The following NRL variants were observed in gnomAD, a reference collection of about 807,000 sequenced individuals.
The protein encoded by NRL is neural retina leucine zipper.
A neutral mutation model predicts 12.5 loss-of-function variants in NRL; 16 were observed. That is an observed-to-expected ratio of 1.28 (90% CI 0.87 to 1.95). The LOEUF is 1.95. NRL is among the 30% of genes most tolerant of loss of function. The probability of loss-of-function intolerance (pLI) is 0.00; values close to 1 mark genes in which losing one functional copy is unlikely to be tolerated. For synonymous variants in NRL, 142 were observed against 150.9 expected, an observed-to-expected ratio of 0.94 and a Z score of 0.43; for missense variants, 314 against 325.8, an observed-to-expected ratio of 0.96 and a Z score of 0.28.
chr14:24,113,443 A>T (rs2037458760), intron 1 of NRL, among the ~76,000 whole-genome samples: 1 of 152,186 alleles, frequency 6.6e-6, no homozygotes, highest in Admixed American at 6.5e-5. Context: ...ATAAATAAAG[A>T]TCCCGATTTT....
chr14:24,085,531 AT>A lies in NRL; in HGVS notation c.-27-2657del, dbSNP rs1386767168. On this transcript the variant is annotated intron_variant, in intron 1 of 2. Transcript: ENST00000561028. This position sits in a 1 kb window ranked among gnomAD's most constrained non-coding sequence, Gnocchi z 4.1. Reference sequence around the variant, plus strand: ...AGGAGTGGGAACAGGGATACTAGGAATTATCCAAGGAGATGTTTAAACCTGT... The same window carrying A: ...AGGAGTGGGAACAGGGATACTAGGAATATCCAAGGAGATGTTTAAACCTGT... 3.3e-5 allele frequency among the ~76,000 whole-genome samples: 5 copies of A among 152,236 alleles called. No homozygotes were observed. The highest frequency in any genetic ancestry group is 5.9e-5 in the Non-Finnish European group (4 of 68,042).
At position 24,100,209 on chromosome 14, in the gene NRL, A is replaced by G. The variant is rs2301336; in HGVS notation, c.-28+14513T>C. The G allele has an allele frequency of 0.013, 21,574 of 1,614,062 alleles. 1,334 individuals carry two copies. The East Asian group carries it at 0.21, about 16-fold the overall frequency. On this transcript the variant is annotated intron_variant, in intron 1 of 2. Coordinates refer to ENST00000561028, the MANE Select transcript of NRL (RefSeq NM_001354768.3). ...CCTCCTGGCTGGGCAAACCCTGGAA[A>G]CCTGGTATGTGCGGTGGGGAAGGTG... is the stretch of plus-strand genomic sequence containing the variant.
intron 1 of NRL, chr14:24,102,788 T>G: frequency 1.2e-6 from 2 of 1,613,876 alleles, no homozygotes; most frequent in Non-Finnish European, 1.7e-6. Context: ...CAACTCTCGA[T>G]TTTGTGCCCC....
In NRL at chr14:24,094,066, C is replaced by T. The variant is rs1339357806; in HGVS notation, c.-27-11191G>A. The T allele has an allele frequency of 1.1e-5, 6 of 536,160 alleles. No individual in the cohort carries two copies. Among genetic ancestry groups the T allele is most frequent in the Non-Finnish European group, 2.0e-5 (6 of 306,044 alleles). 33.2% of individuals were successfully genotyped at this position (536,160 alleles called of 1,614,324 possible). ...TCATGTGCGGCTGGGAGGGCGGTGGCGGATGGGGGGCGGGGCCTCGAAGTC... is the reference window on the plus strand; with the variant it reads ...TCATGTGCGGCTGGGAGGGCGGTGGTGGATGGGGGGCGGGGCCTCGAAGTC... On this transcript the variant is annotated intron_variant, in intron 1 of 2. Transcript: ENST00000561028. This position sits in a 1 kb window ranked among gnomAD's most constrained non-coding sequence, Gnocchi z 4.1.
Position 24,081,004 on chromosome 14 carries a change from G to T in NRL, c.*232C>A. 1 of 390,132 alleles carries T rather than the reference G, an allele frequency of 2.6e-6. No homozygotes were observed. Among genetic ancestry groups the T allele is most frequent in the Non-Finnish European group, 4.5e-6 (1 of 222,258 alleles). The allele number at this position is 390,132 out of a possible 1,614,324, so 24.2% of individuals were successfully genotyped here. On this transcript the variant is annotated 3_prime_UTR_variant, in exon 3 of 3. Coordinates refer to ENST00000561028, the MANE Select transcript of NRL (RefSeq NM_001354768.3). This position sits in a 1 kb window ranked among gnomAD's most constrained non-coding sequence, Gnocchi z 4.4. Reference sequence around the variant, plus strand: ...GCAGAGCTCAGCGTGCTAGTCATGTGGGCTGGGTTTCTGTGTTCGTAAGGG... The same window carrying T: ...GCAGAGCTCAGCGTGCTAGTCATGTTGGCTGGGTTTCTGTGTTCGTAAGGG...
In NRL at chr14:24,079,926, G is replaced by GT. The variant is rs1169878504; in HGVS notation, c.*1309dup. On this transcript the variant is annotated 3_prime_UTR_variant, in exon 3 of 3. Transcript: ENST00000561028. The stretch of plus-strand genomic sequence containing the variant: ...GCTTCTGAGTTTGGTGGTGGTGGTG[G>GT]TGAGAGGGGGAGGATCCATCTGTTC... Among the ~76,000 whole-genome samples, 1 of 152,094 alleles carries GT rather than the reference G, an allele frequency of 6.6e-6. No homozygotes were observed. Among genetic ancestry groups the GT allele is most frequent in the East Asian group, 1.9e-4 (1 of 5,182 alleles).
At chr14:24,103,301 A>G in intron 1 of NRL, 1 of 1,466,048 alleles carries the variant, frequency 6.8e-7, no homozygotes, top group Non-Finnish European at 9.5e-7. Context: ...TGCACACAGC[A>G]CGTCCTCTCT....
At chr14:24,110,941 G>A (rs181289565) in intron 1 of NRL, among the ~76,000 whole-genome samples, 4 of 152,296 alleles carry the variant, frequency 2.6e-5, no homozygotes, top group African/African-American at 7.2e-5. Flanking sequence ...AGACATCCAG[G>A]TTTGGAAGTT....
intron 1 of NRL, 145 bp from the exon 2 acceptor site, chr14:24,083,020 G>C: frequency 1.3e-6 from 1 of 747,788 alleles, no homozygotes; most frequent in Non-Finnish European, 2.1e-6. Context: ...TCACTGCAGA[G>C]TCCCCACCAG....
chr14:24,095,429 C>T (rs1416203654), intron 1 of NRL: 6 of 352,492 alleles, frequency 1.7e-5, no homozygotes, highest in Non-Finnish European at 2.8e-5. Context: ...ATCATCTATC[C>T]TGCTTTAGCG....
intron 1 of NRL, among the ~76,000 whole-genome samples, chr14:24,097,402 A>C (rs1324076244): frequency 1.3e-5 from 2 of 151,374 alleles, no homozygotes; most frequent in Non-Finnish European, 2.9e-5. Flanking sequence ...AAAAAAAAAA[A>C]AAAATACAAA....
At chr14:24,110,043 A>T (rs1448614051) in intron 1 of NRL, among the ~76,000 whole-genome samples, 1 of 152,066 alleles carries the variant, frequency 6.6e-6, no homozygotes, top group Non-Finnish European at 1.5e-5. Context: ...CCTTTGTAGA[A>T]GCTACACCTT....
At chr14:24,105,300 A>G (rs2037319727) in intron 1 of NRL, among the ~76,000 whole-genome samples, 1 of 152,184 alleles carries the variant, frequency 6.6e-6, no homozygotes, top group Non-Finnish European at 1.5e-5. Context: ...ATTCCGGTGA[A>G]CCCACAACCT....
intron 1 of NRL, among the ~76,000 whole-genome samples, chr14:24,101,616 GTTGTTAGCTTTAAAA>G (rs2037164822): frequency 6.6e-6 from 1 of 152,198 alleles, no homozygotes; most frequent in Non-Finnish European, 1.5e-5. Context: ...TCACCAACAT[GTTGTTAGCTTTAAAA>G]TCAATTCCTT....
intron 1 of NRL, among the ~76,000 whole-genome samples, chr14:24,113,380 A>T (rs1483149260): frequency 2.1e-5 from 3 of 141,726 alleles, no homozygotes; most frequent in African/African-American, 8.4e-5. Context: ...GAGTATAATA[A>T]AAAAAAAAAA....
chr14:24,090,559 G>C (rs956427916), intron 1 of NRL, among the ~76,000 whole-genome samples: 2 of 152,206 alleles, frequency 1.3e-5, no homozygotes, highest in African/African-American at 2.4e-5. Context: ...GCTATCAGCA[G>C]CCAACACTCA....
At chr14:24,103,501 C>T (rs1298986698) in intron 1 of NRL, 14 of 1,532,196 alleles carry the variant, frequency 9.1e-6, no homozygotes, top group African/African-American at 1.4e-5. Context: ...CATCTTGCTT[C>T]CCCCCCAGGG....
intron 2 of NRL, 81 bp downstream of exon 2, chr14:24,082,387 C>A (rs2036339119): frequency 1.3e-6 from 2 of 1,575,626 alleles, no homozygotes; most frequent in Non-Finnish European, 1.7e-6. Flanking sequence ...CCATAACCCC[C>A]TCTGGGAGCT....
chr14:24,084,116 T>G (rs181239900), intron 1 of NRL, among the ~76,000 whole-genome samples: 1 of 152,178 alleles, frequency 6.6e-6, no homozygotes, highest in Non-Finnish European at 1.5e-5. Flanking sequence ...TCCAACCACA[T>G]GTCAGACCCC....
Sources: gnomAD v4.1 joint callset for allele counts (sites outside exome capture counted in the v4.1 genomes callset) on GRCh38, gnomAD v4.1.1 for gene constraint, Gnocchi (gnomAD v3.1) non-coding constraint, MANE v1.5 for transcripts, NCBI Gene and HGNC (gene_info 2026-07-23, HGNC 2026-07-21) for gene names.